SMURF2: variants seen among roughly 807,000 people sequenced by gnomAD.
The protein encoded by SMURF2 is E3 ubiquitin-protein ligase SMURF2.
In SMURF2, 48 loss-of-function variants were observed where a neutral mutation model predicts 109.6. That is an observed-to-expected ratio of 0.44 (90% confidence interval 0.35 to 0.56). The LOEUF (loss-of-function observed/expected upper bound fraction) is 0.56. Among genes scored for constraint, SMURF2 ranks in the 20% least tolerant of loss-of-function variants. The pLI is 0.01. For missense variants in SMURF2, 575 were observed against 909.0 expected (o/e 0.63, Z 4.72); for synonymous variants, 288 against 317.1 (o/e 0.91, Z 0.97).
intron 6 of SMURF2, among the ~76,000 whole-genome samples, chr17:64,584,306 G>A (rs1220050344): frequency 7.5e-5 from 9 of 120,288 alleles, no homozygotes; most frequent in Admixed American, 1.8e-4. Context: ...TGACAAGAGC[G>A]AAACTCCTTC....
chr17:64,599,518 T>C (rs1379685530), intron 2 of SMURF2, among the ~76,000 whole-genome samples: 1 of 152,190 alleles, frequency 6.6e-6, no homozygotes, highest in Admixed American at 6.5e-5. Context: ...CGGTACAGGT[T>C]CGTGGCCTGT....
At chr17:64,657,048 A>G (rs1477469138) in intron 1 of SMURF2, among the ~76,000 whole-genome samples, 2 of 152,230 alleles carry the variant, frequency 1.3e-5, no homozygotes, top group East Asian at 3.8e-4. Flanking sequence ...GGAAGTATTT[A>G]TAGCTCTCCA....
rs1275707543 is a variant in SMURF2, at chr17:64,542,816, A to C, written c.*3032T>G. ...CGGACTGTAAATACATGAAAGAAAA[A>C]AAGGCTTGGTAAAAAACCCATTCGG... On this transcript the variant is annotated 3_prime_UTR_variant, in exon 19 of 19. Coordinates refer to ENST00000262435, the MANE Select transcript of SMURF2 (RefSeq NM_022739.4). The C allele has an allele frequency of 6.6e-6, 1 of 152,236 alleles. No individual in the cohort carries two copies. Among genetic ancestry groups the C allele is most frequent in the African/African-American group, 2.4e-5 (1 of 41,460 alleles). The allele number at this position is 152,236 out of a possible 1,614,324, so 9.4% of individuals were successfully genotyped here. A position where few individuals can be genotyped will look rare whatever the true frequency, so the allele number is the denominator to read the frequency against.
intron 1 of SMURF2, among the ~76,000 whole-genome samples, chr17:64,655,014 T>C (rs1462189755): frequency 6.6e-6 from 1 of 151,846 alleles, no homozygotes; most frequent in Admixed American, 6.6e-5. Context: ...TATAACTGCA[T>C]TCCTAAATAC....
intron 1 of SMURF2, among the ~76,000 whole-genome samples, chr17:64,655,894 CTT>C (rs1435589917): frequency 6.6e-6 from 1 of 152,116 alleles, no homozygotes; most frequent in Non-Finnish European, 1.5e-5. Context: ...GACTCCGTCT[CTT>C]TAAAAAACTG....
chr17:64,577,313 C>A (rs1969507032), intron 9 of SMURF2, among the ~76,000 whole-genome samples: 1 of 151,104 alleles, frequency 6.6e-6, no homozygotes, highest in South Asian at 2.1e-4. Context: ...GCCAAAAAAA[C>A]AAACACTGCA....
At chr17:64,586,019 CTTATTTCTAT>C in intron 6 of SMURF2, 57 bp downstream of exon 6, 1 of 1,041,248 alleles carries the variant, frequency 9.6e-7, no homozygotes, top group Non-Finnish European at 1.4e-6. Flanking sequence ...TAAACACCCA[CTTATTTCTAT>C]TCTTTTAAGG....
intron 1 of SMURF2, among the ~76,000 whole-genome samples, chr17:64,613,172 T>G (rs1484805473): frequency 6.6e-6 from 1 of 152,176 alleles, no homozygotes; most frequent in Non-Finnish European, 1.5e-5. Flanking sequence ...GAATGTACCT[T>G]GGGGACTAGA....
At chr17:64,649,625 T>C (rs956334642) in intron 1 of SMURF2, among the ~76,000 whole-genome samples, 20 of 152,222 alleles carry the variant, frequency 1.3e-4, no homozygotes, top group Non-Finnish European at 2.4e-4. Context: ...GCGTATCACT[T>C]AAGATAAGGA....
intron 11 of SMURF2, among the ~76,000 whole-genome samples, chr17:64,562,403 G>T (rs1969234299): frequency 6.7e-6 from 1 of 148,850 alleles, no homozygotes; most frequent in South Asian, 2.1e-4. Flanking sequence ...TTTTGAGACG[G>T]AGTTTCGTTC....
chr17:64,542,694 T>C lies in SMURF2; in HGVS notation c.*3154A>G, dbSNP rs1968891344. On this transcript the variant is annotated 3_prime_UTR_variant, in exon 19 of 19. Transcript: ENST00000262435. ...TGGAACAGCCTCTAACTCCCAACAATCCAATCAGTCCAATGCACTGGAAAT... is the reference window on the plus strand; with the variant it reads ...TGGAACAGCCTCTAACTCCCAACAACCCAATCAGTCCAATGCACTGGAAAT... The C allele has an allele frequency of 6.6e-6, 1 of 151,938 alleles. No individual in the cohort carries two copies. Among genetic ancestry groups the C allele is most frequent in the African/African-American group, 2.4e-5 (1 of 41,318 alleles). The allele number at this position is 151,938 out of a possible 1,614,324, so 9.4% of individuals were successfully genotyped here. A position where few individuals can be genotyped will look rare whatever the true frequency, so the allele number is the denominator to read the frequency against.
At chr17:64,596,284 T>C (rs1969815812) in intron 3 of SMURF2, among the ~76,000 whole-genome samples, 1 of 152,104 alleles carries the variant, frequency 6.6e-6, no homozygotes, top group Non-Finnish European at 1.5e-5. Context: ...TAATGTCATC[T>C]GTTTCTTTTT....
chr17:64,556,495 C>T (rs562190168), intron 13 of SMURF2, among the ~76,000 whole-genome samples: 5 of 152,254 alleles, frequency 3.3e-5, no homozygotes, highest in South Asian at 2.1e-4. Context: ...AATTAACCCC[C>T]GTAAGACTAA....
At chr17:64,634,515 A>C (rs782579156) in intron 1 of SMURF2, among the ~76,000 whole-genome samples, 2 of 152,198 alleles carry the variant, frequency 1.3e-5, no homozygotes, top group African/African-American at 2.4e-5. Context: ...TCCTAGAGAT[A>C]GGTGATATGA....
intron 1 of SMURF2, among the ~76,000 whole-genome samples, chr17:64,629,104 C>A (rs1475359421): frequency 6.6e-6 from 1 of 152,120 alleles, no homozygotes; most frequent in Non-Finnish European, 1.5e-5. Context: ...TACTCCCATG[C>A]CCACCAGAAC....
intron 17 of SMURF2, 66 bp from the exon 18 acceptor site, chr17:64,546,404 A>T: frequency 5.7e-6 from 8 of 1,412,634 alleles, no homozygotes; most frequent in Non-Finnish European, 6.9e-6. Flanking sequence ...AAATCTTAAG[A>T]ATAAAACTGG....
chr17:64,619,494 AAAAAAAAAAG>A (rs1970172997), intron 1 of SMURF2, among the ~76,000 whole-genome samples: 1 of 151,198 alleles, frequency 6.6e-6, no homozygotes, highest in African/African-American at 2.4e-5. Flanking sequence ...AAAAAAAAAA[AAAAAAAAAAG>A]AAGAAGAATA....
intron 1 of SMURF2, among the ~76,000 whole-genome samples, chr17:64,627,512 G>C (rs773085534): frequency 6.6e-6 from 1 of 152,184 alleles, no homozygotes; most frequent in Non-Finnish European, 1.5e-5. Context: ...CAGTCAAGCT[G>C]ACAGTTTTCT....
intron 4 of SMURF2, among the ~76,000 whole-genome samples, chr17:64,592,621 G>A (rs1598285521): frequency 6.6e-6 from 1 of 151,902 alleles, no homozygotes; most frequent in Admixed American, 6.6e-5. Context: ...ATATGCATCT[G>A]GGCTAAAATC....
Sources: allele counts gnomAD v4.1 joint callset (sites outside exome capture counted in the v4.1 genomes callset), GRCh38; gene constraint gnomAD v4.1.1; transcripts MANE v1.5; gene names NCBI Gene and HGNC (gene_info 2026-07-23, HGNC 2026-07-21).